Variants in HELZ observed in about 807,000 individuals in gnomAD.
HELZ encodes the protein ATP-dependent RNA helicase with zinc finger domain.
HELZ carries 23 observed loss-of-function variants against 218.2 expected under a neutral mutation model. The observed-to-expected ratio is 0.11, with a 90% CI of 0.08 to 0.15. The LOEUF (loss-of-function observed/expected upper bound fraction) is 0.15, where lower values mean the gene tolerates loss of function less well. Among genes scored for constraint, HELZ ranks in the 10% least tolerant of loss-of-function variants. The pLI, the probability that HELZ is intolerant of heterozygous loss-of-function variation, is 1.00. For synonymous variants in HELZ, 814 were observed against 829.4 expected, an observed-to-expected ratio of 0.98 and a Z score of 0.32; for missense variants, 1,813 against 2,353.7, an observed-to-expected ratio of 0.77 and a Z score of 4.75.
At chr17:67,145,388 T>C (rs1426013082) in intron 21 of HELZ, among the ~76,000 whole-genome samples, 1 of 152,216 alleles carries the variant, frequency 6.6e-6, no homozygotes, top group African/African-American at 2.4e-5. Context: ...TCAAGTCTTA[T>C]TCATTTAAAA....
At chr17:67,190,537 A>G (rs2039864741) in intron 9 of HELZ, among the ~76,000 whole-genome samples, 182 bp from the exon 10 acceptor site, 1 of 152,196 alleles carries the variant, frequency 6.6e-6, no homozygotes, top group African/African-American at 2.4e-5. Context: ...TACAACAGTT[A>G]ACCAAAACAT....
At chr17:67,115,128 A>G (rs2037390842) in intron 27 of HELZ, among the ~76,000 whole-genome samples, 1 of 152,122 alleles carries the variant, frequency 6.6e-6, no homozygotes, top group Non-Finnish European at 1.5e-5. Context: ...TTACCTTACC[A>G]TTAAGCTTCA....
chr17:67,117,938 T>A (rs1023812972), intron 27 of HELZ, among the ~76,000 whole-genome samples: 2 of 152,076 alleles, frequency 1.3e-5, no homozygotes, highest in African/African-American at 4.8e-5. Context: ...ATCAAAAGAA[T>A]CAGTATTGTT....
chr17:67,192,032 T>C (rs1378339092), intron 9 of HELZ, among the ~76,000 whole-genome samples: 1 of 151,590 alleles, frequency 6.6e-6, no homozygotes, highest in Non-Finnish European at 1.5e-5. Context: ...GCAGAAACCC[T>C]GTCTCTACTA....
In HELZ at chr17:67,141,390, T is replaced by C. The variant is rs114996158; in HGVS notation, c.2770-3276A>G. ...GTTAATACAGCAAACTCCATAAATA[T>C]GTACTTGCCACCCTTCTCTTAGAAT... On this transcript the variant is annotated intron_variant, in intron 21 of 32. Coordinates refer to ENST00000358691, the MANE Select transcript of HELZ (RefSeq NM_014877.4). Among the ~76,000 whole-genome samples the C allele has an allele frequency of 5.2e-3, 780 of 148,746 alleles. 8 individuals are homozygous for C. Among genetic ancestry groups the C allele is most frequent in the African/African-American group, 0.018 (741 of 41,264 alleles).
At chr17:67,213,363 T>C (rs1598433519) in intron 5 of HELZ, among the ~76,000 whole-genome samples, 1 of 152,054 alleles carries the variant, frequency 6.6e-6, no homozygotes, top group Non-Finnish European at 1.5e-5. Context: ...GTGGCTCACG[T>C]CTGTAATCCC....
At chr17:67,156,207 A>C (rs1345356379) in intron 17 of HELZ, among the ~76,000 whole-genome samples, 2 of 152,014 alleles carry the variant, frequency 1.3e-5, no homozygotes, top group African/African-American at 2.4e-5. Context: ...GTGATTTTTT[A>C]ATAAATATAA....
intron 5 of HELZ, among the ~76,000 whole-genome samples, chr17:67,207,998 C>CAAAACA (rs1428067440): frequency 6.6e-6 from 1 of 151,974 alleles, no homozygotes; most frequent in East Asian, 1.9e-4. Flanking sequence ...GACCCTGTCT[C>CAAAACA]AAAACAAAAA....
chr17:67,162,029 G>A (rs2039006931), intron 15 of HELZ, among the ~76,000 whole-genome samples: 1 of 152,234 alleles, frequency 6.6e-6, no homozygotes, highest in African/African-American at 2.4e-5. Context: ...AGAGGACAGA[G>A]TTTAGACAGG....
chr17:67,128,820 T>C lies in HELZ; in HGVS notation c.3218A>G (p.Glu1073Gly), dbSNP rs767234325. 3.1e-6 allele frequency: 5 copies of C among 1,614,148 alleles called. No individual in the cohort carries two copies. The highest frequency in any genetic ancestry group is 3.4e-6 in the Non-Finnish European group (4 of 1,179,992). ...AGTGATTCCATGTAGGCTACTGTTT[T>C]CATGACACAGGGCAATAAACCGTTC... ...FWERFIALCH[E>G]NSSLHGITFE... The change falls in exon 24 of 33, where the codon GAA (glutamate) becomes GGA (glycine). Residue 1073 changes from glutamate (E) to glycine (G), a missense_variant. This residue lies in a region of HELZ where 156 missense variants were observed against 274.4 expected (regional missense o/e 0.57). Transcript: ENST00000358691.
At chr17:67,224,923 G>T in intron 3 of HELZ, 1 of 722,688 alleles carries the variant, frequency 1.4e-6, no homozygotes, top group Admixed American at 1.8e-5. Flanking sequence ...AAAGACGACT[G>T]TGCTAAGACT....
intron 31 of HELZ, among the ~76,000 whole-genome samples, chr17:67,097,772 A>C (rs1376922085): frequency 6.6e-6 from 1 of 152,222 alleles, no homozygotes; most frequent in Admixed American, 6.5e-5. Flanking sequence ...GGTGGATAGG[A>C]AATAAAATAG....
At chr17:67,238,632 A>G (rs2041247733) in intron 3 of HELZ, among the ~76,000 whole-genome samples, 1 of 152,090 alleles carries the variant, frequency 6.6e-6, no homozygotes, top group African/African-American at 2.4e-5. Context: ...CAGTGAGCCG[A>G]GATCGTGCCA....
intron 31 of HELZ, among the ~76,000 whole-genome samples, chr17:67,100,211 A>G (rs1358452049): frequency 6.6e-6 from 1 of 152,254 alleles, no homozygotes; most frequent in Non-Finnish European, 1.5e-5. Context: ...GTTGAAATTA[A>G]AATTATCAAC....
intron 7 of HELZ, among the ~76,000 whole-genome samples, chr17:67,198,958 T>C (rs1476802892): frequency 1.3e-5 from 2 of 152,198 alleles, no homozygotes; most frequent in East Asian, 3.8e-4. Context: ...ATATGTGGCC[T>C]TACATGCAAC....
chr17:67,161,924 TA>T (rs1293480712), intron 15 of HELZ, among the ~76,000 whole-genome samples: 1 of 152,070 alleles, frequency 6.6e-6, no homozygotes, highest in Non-Finnish European at 1.5e-5. Flanking sequence ...ACAACTATGG[TA>T]AAAATGAGAG....
chr17:67,126,899 G>C (rs866098584), intron 24 of HELZ, among the ~76,000 whole-genome samples: 7 of 150,910 alleles, frequency 4.6e-5, no homozygotes, highest in African/African-American at 1.7e-4. Context: ...CACTAAGCTA[G>C]AGCTAGCTAT....
At chr17:67,145,625 C>CATGTAAATAGT in intron 21 of HELZ, 118 bp downstream of exon 21, 2 of 705,310 alleles carry the variant, frequency 2.8e-6, no homozygotes, top group Non-Finnish European at 4.7e-6. Flanking sequence ...ATACTATTTA[C>CATGTAAATAGT]ATGTAAATGA....
In HELZ at chr17:67,149,977, TA is replaced by T; in HGVS notation, c.2364del (p.Phe788LeufsTer6). On this transcript the variant is annotated frameshift_variant, in exon 19 of 33. Coordinates refer to ENST00000358691, the MANE Select transcript of HELZ (RefSeq NM_014877.4). LOFTEE classifies it high-confidence loss of function. ...LCQLDLEPGF[F>X]THILLDEAAQ... is the part of the protein sequence containing the mutation. ...GCAGCTTCATCTAATAGAATGTGTGTAAAAAACCCTAGAAAATGCAGCATAA... is the reference window on the plus strand; with the variant it reads ...GCAGCTTCATCTAATAGAATGTGTGTAAAAACCCTAGAAAATGCAGCATAA... The T allele has an allele frequency of 6.2e-7, 1 of 1,602,884 alleles. No homozygotes were observed. Among genetic ancestry groups the T allele is most frequent in the Non-Finnish European group, 8.5e-7 (1 of 1,172,098 alleles).
Sources: gnomAD v4.1 joint callset for allele counts (sites outside exome capture counted in the v4.1 genomes callset) on GRCh38, gnomAD v4.1.1 for gene constraint, gnomAD v4.1.1 regional missense constraint, MANE v1.5 for transcripts, NCBI Gene and HGNC (gene_info 2026-07-23, HGNC 2026-07-21) for gene names.